The following YAE1 variants were observed in gnomAD, a reference collection of about 807,000 sequenced individuals.
The protein encoded by YAE1 is YAE1 maturation factor of ABCE1, also known as protein YAE1 homolog.
In YAE1, 22 loss-of-function variants were observed where a neutral mutation model predicts 23.0. That is an observed-to-expected ratio of 0.96 (90% CI 0.68 to 1.37). YAE1 has a LOEUF of 1.37. Ranked by LOEUF, YAE1 falls within the 40% of genes most tolerant of loss-of-function variation. The probability of loss-of-function intolerance (pLI) is 0.00; values close to 1 mark genes in which losing one functional copy is unlikely to be tolerated. For missense variants in YAE1, 260 were observed against 262.1 expected (o/e 0.99, Z 0.06); for synonymous variants, 101 against 97.0 (o/e 1.04, Z -0.24).
At chr7:39,572,071 G>A (rs953716824) in intron 2 of YAE1, among the ~76,000 whole-genome samples, 6 of 151,990 alleles carry the variant, frequency 3.9e-5, no homozygotes, top group African/African-American at 1.5e-4. Context: ...TTTCTTTCTC[G>A]GAGTTGTATT....
chr7:39,575,579 T>TGA (rs373707883), downstream of YAE1, among the ~76,000 whole-genome samples: 26 of 76,456 alleles, frequency 3.4e-4, no homozygotes, highest in African/African-American at 1.2e-3. Context: ...AGAGAGAGAG[T>TGA]GAGTGTGTGT....
chr7:39,576,614 C>CTCCA (rs543409531), downstream of YAE1, among the ~76,000 whole-genome samples: 259 of 152,324 alleles, frequency 1.7e-3, no homozygotes, highest in Middle Eastern at 0.014. Flanking sequence ...TCCTGTCACC[C>CTCCA]TCCAATACCA....
At chr7:39,580,316 G>A (rs553117430) in intron 2 of YAE1, among the ~76,000 whole-genome samples, 3 of 152,314 alleles carry the variant, frequency 2.0e-5, no homozygotes, top group Admixed American at 6.5e-5. Flanking sequence ...CTGAAAGGAA[G>A]GGTGTTAGCT....
At chr7:39,600,864 A>G (rs1367950277) in intron 2 of YAE1, among the ~76,000 whole-genome samples, 1 of 152,242 alleles carries the variant, frequency 6.6e-6, no homozygotes, top group African/African-American at 2.4e-5. Context: ...TCTTTCTCAC[A>G]GCTCTCAGAA....
At chr7:39,583,164 T>C (rs761922731) in intron 2 of YAE1, among the ~76,000 whole-genome samples, 2 of 152,192 alleles carry the variant, frequency 1.3e-5, no homozygotes, top group Non-Finnish European at 2.9e-5. Flanking sequence ...ATGCACCCAT[T>C]AAAAGTTATC....
chr7:39,585,245 A>G (rs1715162412), intron 2 of YAE1, among the ~76,000 whole-genome samples: 1 of 152,186 alleles, frequency 6.6e-6, no homozygotes, highest in Non-Finnish European at 1.5e-5. Flanking sequence ...ATAATCCCAT[A>G]TTTTATGGAC....
chr7:39,575,577 A>AGAGAGAGAGAGAGAGAGAGTGT (rs1173016799), downstream of YAE1, among the ~76,000 whole-genome samples: 2 of 80,208 alleles, frequency 2.5e-5, no homozygotes, highest in South Asian at 3.5e-4. Flanking sequence ...AGAGAGAGAG[A>AGAGAGAGAGAGAGAGAGAGTGT]GTGAGTGTGT....
intron 2 of YAE1, among the ~76,000 whole-genome samples, chr7:39,588,917 G>A (rs570507810): frequency 2.0e-5 from 3 of 151,562 alleles, no homozygotes; most frequent in Non-Finnish European, 1.5e-5. Flanking sequence ...TCCGTCTTCC[G>A]GGTTCAACAA....
At chr7:39,603,857 A>G (rs898534290) in intron 2 of YAE1, among the ~76,000 whole-genome samples, 12 of 152,168 alleles carry the variant, frequency 7.9e-5, no homozygotes, top group African/African-American at 2.7e-4. Context: ...TTGGATTTGG[A>G]GAAAGTCATT....
At chr7:39,596,002 G>C (rs1790966922) in intron 2 of YAE1, among the ~76,000 whole-genome samples, 1 of 152,156 alleles carries the variant, frequency 6.6e-6, no homozygotes, top group South Asian at 2.1e-4. Context: ...TTCTCCATTG[G>C]CTATGCCTTT....
Position 39,572,734 on chromosome 7 carries a change from A to G in YAE1, c.*28A>G. 6.5e-7 allele frequency: 1 copy of G among 1,538,922 alleles called. No individual in the cohort carries two copies. Among genetic ancestry groups the G allele is most frequent in the South Asian group, 1.3e-5 (1 of 76,376 alleles). On this transcript the variant is annotated 3_prime_UTR_variant, in exon 3 of 3. Coordinates refer to ENST00000223273, the MANE Select transcript of YAE1 (RefSeq NM_020192.5). ...TTACCTTCCCTTTTCTAATGAAAAT[A>G]ATGTTCAGAACATTTGGTTTCCTAA...
At chr7:39,588,381 G>C (rs975207143) in intron 2 of YAE1, among the ~76,000 whole-genome samples, 2 of 151,888 alleles carry the variant, frequency 1.3e-5, no homozygotes, top group African/African-American at 2.4e-5. Context: ...GCTTGGTGGC[G>C]TGTGCCTGTA....
chr7:39,595,329 G>A (rs1162277913), intron 2 of YAE1, among the ~76,000 whole-genome samples: 1 of 151,968 alleles, frequency 6.6e-6, no homozygotes, highest in African/African-American at 2.4e-5. Flanking sequence ...CGTTTTTCTG[G>A]AGGTTTGAAC....
chr7:39,604,208 G>C (rs1230160165), intron 2 of YAE1, among the ~76,000 whole-genome samples: 1 of 152,178 alleles, frequency 6.6e-6, no homozygotes, highest in African/African-American at 2.4e-5. Context: ...CCAGAGGAAG[G>C]AAAGAGGCCA....
downstream of YAE1, among the ~76,000 whole-genome samples, chr7:39,574,760 A>T (rs1228189387): frequency 6.8e-6 from 1 of 147,658 alleles, no homozygotes; most frequent in African/African-American, 2.5e-5. Context: ...AAAAAATCCG[A>T]CAGCCATGGT....
At chr7:39,576,272 A>G (rs1790656150), downstream of YAE1, among the ~76,000 whole-genome samples, 1 of 152,180 alleles carries the variant, frequency 6.6e-6, no homozygotes, top group African/African-American at 2.4e-5. Context: ...AGTACCTACA[A>G]TCTAGCTGTC....
chr7:39,576,571 G>A (rs1404561311), downstream of YAE1, among the ~76,000 whole-genome samples: 1 of 152,128 alleles, frequency 6.6e-6, no homozygotes, highest in African/African-American at 2.4e-5. Context: ...CTTCTGCCTA[G>A]AATACTTTAT....
chr7:39,572,249 T>C (rs1232680057), intron 2 of YAE1, 28 bp from the exon 3 acceptor site: 7 of 1,567,054 alleles, frequency 4.5e-6, no homozygotes, highest in Non-Finnish European at 6.0e-6. Context: ...TATTTTGCTA[T>C]TTAACCCTTG....
intron 2 of YAE1, among the ~76,000 whole-genome samples, chr7:39,599,778 G>C (rs575298723): frequency 6.6e-6 from 1 of 151,726 alleles, no homozygotes; most frequent in Admixed American, 6.6e-5. Flanking sequence ...CTGTCGTCCA[G>C]GCTGGAGTGC....
Sources: gnomAD v4.1 joint callset for allele counts (sites outside exome capture counted in the v4.1 genomes callset) on GRCh38, gnomAD v4.1.1 for gene constraint, MANE v1.5 for transcripts, NCBI Gene and HGNC (gene_info 2026-07-23, HGNC 2026-07-21) for gene names.